The following SYNE2 variants were observed in gnomAD, a reference collection of about 807,000 sequenced individuals.
The protein encoded by SYNE2 is spectrin repeat containing nuclear envelope protein 2, also known as nesprin-2.
In SYNE2, 431 loss-of-function variants were observed where a neutral mutation model predicts 856.3. The ratio of observed to expected loss-of-function variants is 0.50; its 90% confidence interval spans 0.47 to 0.55. The LOEUF (loss-of-function observed/expected upper bound fraction) is 0.55, where lower values mean the gene tolerates loss of function less well. Among genes scored for constraint, SYNE2 ranks in the 20% least tolerant of loss-of-function variants. The pLI is 0.00. For missense variants in SYNE2, 8,129 were observed against 8,023.2 expected (o/e 1.01, Z -0.50); for synonymous variants, 2,923 against 2,872.3 (o/e 1.02, Z -0.56).
At chr14:63,942,183 C>A in intron 6 of SYNE2, 40 bp downstream of exon 6, 2 of 1,224,446 alleles carry the variant, frequency 1.6e-6, no homozygotes, top group Non-Finnish European at 2.4e-6. Context: ...TCTACCCTAC[C>A]ACAGTATAAA....
chr14:64,088,335 C>A (rs942668197), intron 58 of SYNE2, among the ~76,000 whole-genome samples: 3 of 152,182 alleles, frequency 2.0e-5, no homozygotes, highest in African/African-American at 7.2e-5. Flanking sequence ...AAAGCATCTC[C>A]TTATTTTCAA....
In SYNE2 at chr14:64,226,160, A is replaced by G. The variant is rs2098717395; in HGVS notation, c.*634A>G. The G allele has an allele frequency of 6.5e-6, 1 of 153,074 alleles. No individual in the cohort carries two copies. The highest frequency in any genetic ancestry group is 1.5e-5 in the Non-Finnish European group (1 of 68,394). 9.5% of individuals were successfully genotyped at this position (153,074 alleles called of 1,614,324 possible). A position where few individuals can be genotyped will look rare whatever the true frequency, so the allele number is the denominator to read the frequency against. On this transcript the variant is annotated 3_prime_UTR_variant, in exon 116 of 116. Coordinates refer to ENST00000555002, the MANE Select transcript of SYNE2 (RefSeq NM_182914.3). Reference sequence around the variant, plus strand: ...TATTTTTTAACAATGCCCAATCTGTATGAATAATGTAAACTTCGATTTTTT... The same window carrying G: ...TATTTTTTAACAATGCCCAATCTGTGTGAATAATGTAAACTTCGATTTTTT...
intron 1 of SYNE2, among the ~76,000 whole-genome samples, chr14:63,882,437 G>A (rs1473281275): frequency 6.6e-6 from 1 of 151,912 alleles, no homozygotes; most frequent in South Asian, 2.1e-4. Context: ...GTGGAGGCCG[G>A]GTGAGCGGTG....
At chr14:63,847,776 G>C (rs1890277953) in intron 1 of SYNE2, among the ~76,000 whole-genome samples, 1 of 151,850 alleles carries the variant, frequency 6.6e-6, no homozygotes, top group African/African-American at 2.4e-5. Context: ...AGTAGAGATG[G>C]GGTTTCACCG....
intron 110 of SYNE2, 84 bp downstream of exon 110, chr14:64,219,494 T>C (rs2098684477): frequency 1.5e-6 from 2 of 1,355,356 alleles, no homozygotes; most frequent in Non-Finnish European, 2.1e-6. Context: ...ATCCCATGTA[T>C]TCGTGGCATA....
intron 60 of SYNE2, 91 bp from the exon 61 acceptor site, chr14:64,093,258 T>C (rs1394091688): frequency 4.0e-6 from 6 of 1,498,234 alleles, no homozygotes; most frequent in Admixed American, 1.8e-5. Context: ...CTGTGAGTGA[T>C]TAAAACTTCC....
chr14:64,012,419 CAT>C (rs1200463805), intron 32 of SYNE2, among the ~76,000 whole-genome samples: 1 of 152,120 alleles, frequency 6.6e-6, no homozygotes, highest in African/African-American at 2.4e-5. Flanking sequence ...CAGAGACAAA[CAT>C]ATATATTTAA....
At chr14:64,023,109 T>A (rs2096949662) in intron 38 of SYNE2, 1 of 434,898 alleles carries the variant, frequency 2.3e-6, no homozygotes, top group Non-Finnish European at 4.2e-6. Flanking sequence ...ATACAAAAAT[T>A]AGCTGGGTGT....
chr14:63,775,774 T>TTTTGTAGAC (rs1384594504), intron 1 of SYNE2, among the ~76,000 whole-genome samples: 4 of 152,100 alleles, frequency 2.6e-5, no homozygotes, highest in African/African-American at 9.7e-5. Context: ...TGTTTGTTTG[T>TTTTGTAGAC]TTTGTAGACA....
intron 12 of SYNE2, among the ~76,000 whole-genome samples, chr14:63,977,197 G>A (rs934658554): frequency 3.9e-5 from 6 of 152,118 alleles, no homozygotes; most frequent in Non-Finnish European, 8.8e-5. Flanking sequence ...AAAATGTTCA[G>A]ATTTAAAACA....
chr14:64,090,293 C>T (rs974963839), intron 59 of SYNE2, among the ~76,000 whole-genome samples: 7 of 152,020 alleles, frequency 4.6e-5, no homozygotes, highest in South Asian at 2.1e-4. Flanking sequence ...ACTTACCTCT[C>T]GAGGGGTTGT....
chr14:63,933,363 T>G lies in SYNE2; in HGVS notation c.80-7251T>G, dbSNP rs184520392. ...AGCCATGGTAGTTTCATAATGAGCT[T>G]TAAAATGAAAATCCACACCCTTTAA... On this transcript the variant is annotated intron_variant, in intron 2 of 115. Coordinates refer to ENST00000555002, the MANE Select transcript of SYNE2 (RefSeq NM_182914.3). Among the ~76,000 whole-genome samples the G allele has an allele frequency of 5.1e-4, 77 of 152,286 alleles. 1 individual carries two copies. Among genetic ancestry groups the G allele is most frequent in the Admixed American group, 4.8e-3 (74 of 15,294 alleles).
chr14:63,941,848 A>G (rs2095920998), intron 4 of SYNE2, 37 bp from the exon 5 acceptor site: 2 of 1,612,006 alleles, frequency 1.2e-6, no homozygotes, highest in Non-Finnish European at 1.7e-6. Context: ...TATGTATTTC[A>G]TTTTTTCTGA....
intron 1 of SYNE2, among the ~76,000 whole-genome samples, chr14:63,842,796 A>T (rs535966181): frequency 3.9e-5 from 6 of 152,066 alleles, no homozygotes; most frequent in Non-Finnish European, 8.8e-5. Flanking sequence ...TGACATCTTT[A>T]TGATTATATT....
At chr14:63,790,214 C>G (rs1237539450) in intron 1 of SYNE2, among the ~76,000 whole-genome samples, 1 of 152,042 alleles carries the variant, frequency 6.6e-6, no homozygotes, top group East Asian at 1.9e-4. Flanking sequence ...CACCTGTAGT[C>G]CCAGCTACTC....
chr14:64,152,018 T>C (rs144004486), intron 84 of SYNE2, among the ~76,000 whole-genome samples: 5 of 152,288 alleles, frequency 3.3e-5, no homozygotes, highest in African/African-American at 1.2e-4. Flanking sequence ...TTTAAAAATG[T>C]ATCTATAAAG....
rs763834975 is a variant in SYNE2, at chr14:64,126,397, A to G, written c.13625A>G (p.Gln4542Arg). 7 of 1,614,210 alleles carry G rather than the reference A, an allele frequency of 4.3e-6. No individual in the cohort carries two copies. The East Asian group carries it at 1.3e-4, about 31-fold the overall frequency. ...KLFELFLTLSQCLSSVEEMLE... is the reference protein window; with the variant it reads ...KLFELFLTLSRCLSSVEEMLE... Reference sequence around the variant, plus strand: ...TTTGAACTATTCCTGACCCTCAGTCAGTGCCTCAGCAGTGTGGAGGAGATG... The same window carrying G: ...TTTGAACTATTCCTGACCCTCAGTCGGTGCCTCAGCAGTGTGGAGGAGATG... Residue 4542 changes from glutamine to arginine, a missense_variant, in exon 72 of 116, where the codon CAG becomes CGG. Physicochemically the swap from Gln to Arg is conservative, Grantham distance 43. Coordinates refer to ENST00000555002, the MANE Select transcript of SYNE2 (RefSeq NM_182914.3).
At chr14:64,104,013 A>G (rs1315912571) in intron 64 of SYNE2, among the ~76,000 whole-genome samples, 1 of 152,244 alleles carries the variant, frequency 6.6e-6, no homozygotes, top group East Asian at 1.9e-4. Flanking sequence ...ATGAGTGGAA[A>G]GAAGCTTATC....
At chr14:63,910,053 A>G (rs957058580) in intron 2 of SYNE2, among the ~76,000 whole-genome samples, 1 of 152,174 alleles carries the variant, frequency 6.6e-6, no homozygotes, top group African/African-American at 2.4e-5. Flanking sequence ...TTGTTGATAA[A>G]GCAAATTTTG....
Sources: allele counts gnomAD v4.1 joint callset (sites outside exome capture counted in the v4.1 genomes callset), GRCh38; gene constraint gnomAD v4.1.1; transcripts MANE v1.5; gene names NCBI Gene and HGNC (gene_info 2026-07-23, HGNC 2026-07-21).